RP1: variants seen among roughly 807,000 people sequenced by gnomAD.
RP1 encodes the protein oxygen-regulated protein 1.
A neutral mutation model predicts 14.8 loss-of-function variants in RP1; 16 were observed. The observed-to-expected ratio is 1.08, with a 90% CI of 0.73 to 1.65. The LOEUF is 1.65. RP1 is among the 40% of genes most tolerant of loss of function. The probability of loss-of-function intolerance (pLI) is 0.00; values close to 1 mark genes in which losing one functional copy is unlikely to be tolerated. For synonymous variants in RP1, 876 were observed against 883.6 expected (o/e 0.99, Z 0.15); for missense variants, 2,631 against 2,535.0 (o/e 1.04, Z -0.81).
chr8:54,565,613 T>A (rs1406876892), intron 1 of RP1, among the ~76,000 whole-genome samples: 1 of 152,008 alleles, frequency 6.6e-6, no homozygotes, highest in African/African-American at 2.4e-5. Context: ...AGGGGCATGA[T>A]GAGAGAAAAT....
chr8:54,780,953 A>T, intron 23 of RP1: 2 of 984,714 alleles, frequency 2.0e-6, no homozygotes, highest in Non-Finnish European at 2.4e-6. Flanking sequence ...AGATCCTGTT[A>T]GACTTTACTT....
intron 18 of RP1, chr8:54,738,899 T>A (rs1188467235): frequency 7.6e-7 from 1 of 1,308,378 alleles, no homozygotes; most frequent in African/African-American, 1.5e-5. Flanking sequence ...TGTGCTTAAT[T>A]TAAAAAATTC....
intron 28 of RP1, chr8:54,869,825 C>CT (rs915072405): frequency 1.5e-4 from 175 of 1,137,830 alleles, no homozygotes; most frequent in African/African-American, 3.2e-4. Context: ...TAATTATCTT[C>CT]TTTTTTTTGC....
chr8:54,704,207 A>T lies in RP1; in HGVS notation c.1999-2236A>T, dbSNP rs145742348. Among the ~76,000 whole-genome samples the T allele has an allele frequency of 6.9e-4, 105 of 152,274 alleles. 1 individual carries two copies. Among genetic ancestry groups the T allele is most frequent in the African/African-American group, 2.5e-3 (102 of 41,554 alleles). On this transcript the variant is annotated intron_variant, in intron 14 of 22. Transcript: ENST00000636932. Reference sequence around the variant, plus strand: ...CAGATCTTCCTCGCTAAGCTCAGTCATTTCTAGCTTTTGATTTAAAGCAGG... The same window carrying T: ...CAGATCTTCCTCGCTAAGCTCAGTCTTTTCTAGCTTTTGATTTAAAGCAGG...
chr8:54,733,533 A>C (rs1808842346), intron 17 of RP1, among the ~76,000 whole-genome samples: 1 of 152,160 alleles, frequency 6.6e-6, no homozygotes. Flanking sequence ...ATAGCTTAGC[A>C]GGAAGAATTT....
intron 23 of RP1, among the ~76,000 whole-genome samples, chr8:54,780,254 G>T (rs1285782696): frequency 6.6e-6 from 1 of 152,222 alleles, no homozygotes; most frequent in African/African-American, 2.4e-5. Flanking sequence ...GCTGGATTTG[G>T]CCCATGGGCC....
intron 1 of RP1, among the ~76,000 whole-genome samples, chr8:54,571,827 G>C (rs1401539240): frequency 6.6e-6 from 1 of 152,038 alleles, no homozygotes; most frequent in African/African-American, 2.4e-5. Context: ...GCTTGAGGAA[G>C]TATCATCAAT....
At chr8:54,685,487 G>C (rs1227970427) in intron 12 of RP1, among the ~76,000 whole-genome samples, 1 of 152,084 alleles carries the variant, frequency 6.6e-6, no homozygotes, top group Non-Finnish European at 1.5e-5. Flanking sequence ...TTAATTTTGA[G>C]TTCTAATTTG....
chr8:54,802,102 C>A (rs553138922), intron 24 of RP1, among the ~76,000 whole-genome samples: 1 of 152,026 alleles, frequency 6.6e-6, no homozygotes, highest in Non-Finnish European at 1.5e-5. Context: ...AGTAACCCAG[C>A]CAGGCAAATA....
At chr8:54,612,125 G>T (rs1805612922), upstream of RP1, among the ~76,000 whole-genome samples, 1 of 151,826 alleles carries the variant, frequency 6.6e-6, no homozygotes, top group African/African-American at 2.4e-5. Flanking sequence ...TGGGGTAGAT[G>T]ATTTAAAAAG....
chr8:54,858,568 C>A (rs1235263173), intron 27 of RP1, among the ~76,000 whole-genome samples: 3 of 152,056 alleles, frequency 2.0e-5, no homozygotes, highest in Non-Finnish European at 4.4e-5. Flanking sequence ...AGAGCTGTGT[C>A]ACTGTAGAGC....
intron 1 of RP1, among the ~76,000 whole-genome samples, chr8:54,607,582 G>T (rs1233792340): frequency 4.6e-5 from 7 of 152,154 alleles, no homozygotes; most frequent in Admixed American, 3.9e-4. Flanking sequence ...TTCAGACAGG[G>T]ACATTTAAGT....
At chr8:54,864,219 G>A (rs1408896251) in intron 27 of RP1, among the ~76,000 whole-genome samples, 2 of 152,108 alleles carry the variant, frequency 1.3e-5, no homozygotes, top group Non-Finnish European at 2.9e-5. Flanking sequence ...CAAAAAGGAC[G>A]AAGGTGTCGA....
At chr8:54,841,840 A>G (rs1359839874) in intron 25 of RP1, among the ~76,000 whole-genome samples, 2 of 152,138 alleles carry the variant, frequency 1.3e-5, no homozygotes, top group Non-Finnish European at 2.9e-5. Flanking sequence ...GGAGAGATGG[A>G]TGATAAAAGA....
chr8:54,778,575 G>A (rs1032683203), intron 23 of RP1, among the ~76,000 whole-genome samples: 5 of 152,076 alleles, frequency 3.3e-5, no homozygotes, highest in Admixed American at 6.6e-5. Context: ...CGCCCACCTC[G>A]GCCTCCCAAA....
At chr8:54,689,986 C>A (rs1807671457) in intron 12 of RP1, among the ~76,000 whole-genome samples, 2 of 152,090 alleles carry the variant, frequency 1.3e-5, no homozygotes. Context: ...AGACAAACTT[C>A]TAAATTTTAA....
intron 24 of RP1, among the ~76,000 whole-genome samples, chr8:54,831,401 C>CTTTTTTT (rs368455444): frequency 4.9e-5 from 5 of 102,742 alleles, no homozygotes; most frequent in African/African-American, 7.5e-5. Context: ...CCTATTGTTT[C>CTTTTTTT]TTTTTTTTTT....
At chr8:54,802,071 T>A (rs997721334) in intron 24 of RP1, among the ~76,000 whole-genome samples, 2 of 152,164 alleles carry the variant, frequency 1.3e-5, no homozygotes, top group Non-Finnish European at 2.9e-5. Context: ...ATATATAACA[T>A]TTAAAAATGT....
exon 9 of RP1, chr8:54,678,471 G>T (rs1345688156): frequency 1.8e-5 from 27 of 1,533,870 alleles, no homozygotes; most frequent in Non-Finnish European, 2.4e-5. Context: ...GAAATGGTTG[G>T]TTTCTTGATG....
Sources: allele counts gnomAD v4.1 joint callset (sites outside exome capture counted in the v4.1 genomes callset), GRCh38; gene constraint gnomAD v4.1.1; transcripts MANE v1.5; gene names NCBI Gene and HGNC (gene_info 2026-07-23, HGNC 2026-07-21).